Variants in CNOT6L observed in about 807,000 individuals in gnomAD.
CNOT6L encodes CCR4-NOT transcription complex subunit 6 like.
A neutral mutation model predicts 64.0 loss-of-function variants in CNOT6L; 7 were observed. That is an observed-to-expected ratio of 0.11 (90% CI 0.06 to 0.21). The LOEUF is 0.21. Among genes scored for constraint, CNOT6L ranks in the 10% least tolerant of loss-of-function variants. CNOT6L has a pLI of 1.00. For synonymous variants in CNOT6L, 193 were observed against 243.4 expected (o/e 0.79, Z 1.93); for missense variants, 245 against 669.0 (o/e 0.37, Z 6.99).
intron 1 of CNOT6L, among the ~76,000 whole-genome samples, chr4:77,790,634 A>G (rs751854608): frequency 4.6e-5 from 7 of 152,134 alleles, no homozygotes; most frequent in Admixed American, 6.6e-5. Flanking sequence ...TGTTGTTTAC[A>G]AAGGATTTTT....
chr4:77,726,782 A>G (rs1173337805), intron 10 of CNOT6L, among the ~76,000 whole-genome samples: 10 of 152,232 alleles, frequency 6.6e-5, no homozygotes, highest in Non-Finnish European at 7.3e-5. Flanking sequence ...TTGCGAATAT[A>G]TAAGTAGAGC....
Position 77,791,049 on chromosome 4 carries a change from G to A in CNOT6L, c.6-14657C>T, listed in dbSNP as rs57475713. ...TCCCAGCACTTCGGGAGGCTGAGGC[G>A]GGCAGATCACTTGAGGTCAGGAGTT... On this transcript the variant is annotated intron_variant, in intron 1 of 11. Coordinates refer to ENST00000504123, the MANE Select transcript of CNOT6L (RefSeq NM_144571.3). Among the ~76,000 whole-genome samples the A allele has an allele frequency of 6.9e-4, 105 of 152,090 alleles. 1 individual carries two copies. Among genetic ancestry groups the A allele is most frequent in the East Asian group, 3.1e-3 (16 of 5,142 alleles).
intron 5 of CNOT6L, among the ~76,000 whole-genome samples, chr4:77,751,409 T>A (rs1004748489): frequency 2.2e-4 from 34 of 152,220 alleles, no homozygotes; most frequent in Admixed American, 7.9e-4. Flanking sequence ...TATAATTTTT[T>A]AAAAATATCT....
chr4:77,819,074 A>ACACACACACACACACACC (rs368900394), intron 1 of CNOT6L: 10 of 720,472 alleles, frequency 1.4e-5, no homozygotes, highest in African/African-American at 7.9e-5. Context: ...ACACACACAC[A>ACACACACACACACACACC]CCCCGGAACC....
rs976451520 is a variant in CNOT6L at position 77,717,356 on chromosome 4, C to T, written c.*3075G>A. On this transcript the variant is annotated 3_prime_UTR_variant, in exon 12 of 12. Transcript: ENST00000504123. ...CTTGTATGACTGTAATAATGGCAAA[C>T]AGTACAGTTTTCTCTTCCTCAAACA... is the stretch of plus-strand genomic sequence containing the variant. 6.6e-6 allele frequency: 1 copy of T among 152,394 alleles called. No individual in the cohort carries two copies. The allele number at this position is 152,394 out of a possible 1,614,324, so 9.4% of individuals were successfully genotyped here.
intron 9 of CNOT6L, among the ~76,000 whole-genome samples, chr4:77,730,594 TAAGAA>T (rs997081752): frequency 1.3e-5 from 2 of 152,022 alleles, no homozygotes; most frequent in African/African-American, 4.8e-5. Context: ...ACGGAGGGGC[TAAGAA>T]AAGTAAAAAG....
chr4:77,734,662 T>C (rs1006727173), intron 8 of CNOT6L, among the ~76,000 whole-genome samples: 7 of 152,288 alleles, frequency 4.6e-5, no homozygotes, highest in Admixed American at 1.3e-4. Flanking sequence ...TTCATGAACA[T>C]CTGCTCATTA....
At chr4:77,753,896 C>A in intron 5 of CNOT6L, among the ~76,000 whole-genome samples, 1 of 80,306 alleles carries the variant, frequency 1.2e-5, no homozygotes, top group African/African-American at 3.8e-5. Context: ...AAAATCTACT[C>A]ATGTTAAAAA....
At chr4:77,736,841 G>A (rs1311392041) in intron 8 of CNOT6L, among the ~76,000 whole-genome samples, 1 of 151,840 alleles carries the variant, frequency 6.6e-6, no homozygotes, top group African/African-American at 2.4e-5. Flanking sequence ...TAGACGAAAG[G>A]TCAAATGGAT....
chr4:77,786,078 C>G (rs1439164508), intron 1 of CNOT6L, among the ~76,000 whole-genome samples: 1 of 151,932 alleles, frequency 6.6e-6, no homozygotes, highest in East Asian at 1.9e-4. Context: ...GTCAGGCGTT[C>G]AAGACCAGCC....
chr4:77,783,363 G>A (rs1032167160), intron 1 of CNOT6L, among the ~76,000 whole-genome samples: 7 of 152,138 alleles, frequency 4.6e-5, no homozygotes, highest in South Asian at 2.1e-4. Flanking sequence ...GTCCTTACCC[G>A]CATGGAGCAT....
chr4:77,819,238 T>C (rs748282487), intron 1 of CNOT6L, 66 bp downstream of exon 1: 1 of 1,611,878 alleles, frequency 6.2e-7, no homozygotes, highest in African/African-American at 1.3e-5. Context: ...CCCACCTCAT[T>C]TCCCCGGGGA....
rs892995706 is a variant in CNOT6L, at chr4:77,781,393, G to A, written c.6-5001C>T. ...AAAAATATTTAATGTATTTTAGGGGGTTTTTGTATTTTAGTTTTTTAATTT... is the reference window on the plus strand; with the variant it reads ...AAAAATATTTAATGTATTTTAGGGGATTTTTGTATTTTAGTTTTTTAATTT... On this transcript the variant is annotated intron_variant, in intron 1 of 11. Coordinates refer to ENST00000504123, the MANE Select transcript of CNOT6L (RefSeq NM_144571.3). Among the ~76,000 whole-genome samples, 8 of 152,136 alleles carry A rather than the reference G, an allele frequency of 5.3e-5. No homozygotes were observed. The South Asian group carries it at 1.5e-3, about 28-fold the overall frequency.
intron 1 of CNOT6L, among the ~76,000 whole-genome samples, chr4:77,813,738 G>C (rs1357180605): frequency 3.3e-5 from 5 of 152,098 alleles, no homozygotes; most frequent in Non-Finnish European, 5.9e-5. Context: ...GATGAAAAAA[G>C]GAGATAATAA....
chr4:77,779,070 AAAACAC>A (rs1728531691), intron 1 of CNOT6L, among the ~76,000 whole-genome samples: 109 of 106,116 alleles, frequency 1.0e-3, no homozygotes, highest in South Asian at 1.7e-3. Flanking sequence ...AAACAAAAAA[AAAACAC>A]AAAAAACACA....
chr4:77,804,080 A>ATAT (rs1482023405), intron 1 of CNOT6L, among the ~76,000 whole-genome samples: 19 of 152,274 alleles, frequency 1.2e-4, no homozygotes, highest in African/African-American at 4.3e-4. Context: ...CATATACATG[A>ATAT]ATTATTTATA....
intron 10 of CNOT6L, among the ~76,000 whole-genome samples, chr4:77,728,402 G>C (rs1722107447): frequency 6.6e-6 from 1 of 152,194 alleles, no homozygotes; most frequent in African/African-American, 2.4e-5. Context: ...GGGCAGCCTA[G>C]CAGGAGATGA....
In CNOT6L at chr4:77,819,357, G is replaced by C; in HGVS notation, c.-49C>G. On this transcript the variant is annotated 5_prime_UTR_variant, in exon 1 of 12. Transcript: ENST00000504123. ...ACAGCAGCCATTTCCCCGCGGCAGG[G>C]GAAACACACACACAAACACGCGCGC... 1 of 1,612,502 alleles carries C rather than the reference G, an allele frequency of 6.2e-7. No individual in the cohort carries two copies.
chr4:77,725,535 C>A (rs1445172302), intron 11 of CNOT6L, among the ~76,000 whole-genome samples: 1 of 152,178 alleles, frequency 6.6e-6, no homozygotes, highest in East Asian at 1.9e-4. Flanking sequence ...TGGTCCTGTA[C>A]AATCAGCCTT....
Sources: allele counts gnomAD v4.1 joint callset (sites outside exome capture counted in the v4.1 genomes callset), GRCh38; gene constraint gnomAD v4.1.1; transcripts MANE v1.5; gene names NCBI Gene and HGNC (gene_info 2026-07-23, HGNC 2026-07-21).